ZBTB8B: variants seen among roughly 807,000 people sequenced by gnomAD.
The protein encoded by ZBTB8B is zinc finger and BTB domain containing 8B, also known as zinc finger and BTB domain-containing protein 8B.
Under a neutral mutation model 30.3 loss-of-function variants are expected in ZBTB8B, and 17 were observed. The observed-to-expected ratio is 0.56, with a 90% CI of 0.38 to 0.84. The LOEUF is 0.84. ZBTB8B is among the 40% of genes least tolerant of loss of function. The pLI is 0.00. For synonymous variants in ZBTB8B, 248 were observed against 255.6 expected (o/e 0.97, Z 0.28); for missense variants, 515 against 644.9 (o/e 0.80, Z 2.18).
At chr1:32,480,270 G>A (rs1331676046) in intron 2 of ZBTB8B, among the ~76,000 whole-genome samples, 7 of 151,904 alleles carry the variant, frequency 4.6e-5, no homozygotes, top group African/African-American at 1.5e-4. Context: ...TGTGTGTGCT[G>A]GGGGTGGGGG....
Position 32,494,850 on chromosome 1 carries a change from G to A in ZBTB8B, c.*9432G>A, listed in dbSNP as rs1643805703. 1 of 152,012 alleles carries A rather than the reference G, an allele frequency of 6.6e-6. No homozygotes were observed. The highest frequency in any genetic ancestry group is 2.1e-4 in the South Asian group (1 of 4,816). The allele number at this position is 152,012 out of a possible 1,614,324, so 9.4% of individuals were successfully genotyped here. ...GTTCCACTCTGTCACCCAGGCTGGA[G>A]TGCAGTGGTGCAATCTCGGCCCACT... On this transcript the variant is annotated 3_prime_UTR_variant, in exon 4 of 4. Transcript: ENST00000609129.
chr1:32,482,062 C>A (rs1403395363), intron 3 of ZBTB8B, among the ~76,000 whole-genome samples: 1 of 152,158 alleles, frequency 6.6e-6, no homozygotes, highest in Non-Finnish European at 1.5e-5. Context: ...CAGCCTTGAC[C>A]TCCCAAGGCA....
In ZBTB8B at chr1:32,481,080, G is replaced by A. The variant is rs117038159; in HGVS notation, c.1170+11G>A. On this transcript the variant is annotated intron_variant, in intron 3 of 3. Coordinates refer to ENST00000609129, the MANE Select transcript of ZBTB8B (RefSeq NM_001145720.2). ...AGCCACGCACTGAGTGTAAGTGTTC[G>A]AGCTGGCCATGCCCTTGTGGCAAGA... 1.8e-3 allele frequency: 2,852 copies of A among 1,543,700 alleles called. 47 individuals are homozygous for A. In the East Asian group the frequency reaches 0.042, roughly 23 times the overall value.
At position 32,485,039 on chromosome 1, in the gene ZBTB8B, G is replaced by A. The variant is rs1457745356; in HGVS notation, c.1171-62G>A. Reference sequence around the variant, plus strand: ...TCAGGCAGGGGCCAGATCACACGGGGCCTTGTGGAAAACACTCATCTCCTT... The same window carrying A: ...TCAGGCAGGGGCCAGATCACACGGGACCTTGTGGAAAACACTCATCTCCTT... On this transcript the variant is annotated intron_variant, in intron 3 of 3. Coordinates refer to ENST00000609129, the MANE Select transcript of ZBTB8B (RefSeq NM_001145720.2). 9 of 1,496,378 alleles carry A rather than the reference G, an allele frequency of 6.0e-6. No individual in the cohort carries two copies. The African/African-American group carries it at 1.1e-4, about 18-fold the overall frequency. 92.7% of individuals were successfully genotyped at this position (1,496,378 alleles called of 1,614,324 possible). A position where few individuals can be genotyped will look rare whatever the true frequency, so the allele number is the denominator to read the frequency against.
intron 1 of ZBTB8B, among the ~76,000 whole-genome samples, chr1:32,469,533 G>T (rs531097795): frequency 2.4e-4 from 37 of 152,240 alleles, no homozygotes; most frequent in Non-Finnish European, 4.0e-4. Context: ...AGGATTACAG[G>T]TGTGAGCCAC....
rs1643816549 is a variant in ZBTB8B at position 32,496,241 on chromosome 1, G to C, written c.*10823G>C. The C allele has an allele frequency of 6.6e-6, 1 of 152,164 alleles. No homozygotes were observed. The highest frequency in any genetic ancestry group is 1.5e-5 in the Non-Finnish European group (1 of 68,038). 9.4% of individuals were successfully genotyped at this position (152,164 alleles called of 1,614,324 possible). On this transcript the variant is annotated 3_prime_UTR_variant, in exon 4 of 4. Transcript: ENST00000609129. ...GAAAGAAGACTGACTACTGTCTGATGAATGGGTAATTGATGATGCAATGTA... is the reference window on the plus strand; with the variant it reads ...GAAAGAAGACTGACTACTGTCTGATCAATGGGTAATTGATGATGCAATGTA...
intron 3 of ZBTB8B, among the ~76,000 whole-genome samples, chr1:32,482,144 A>C (rs1277805403): frequency 4.6e-5 from 7 of 151,918 alleles, no homozygotes; most frequent in Non-Finnish European, 2.9e-5. Context: ...TGCCCAGCTA[A>C]CGTGTTTTTT....
rs1643668866 is a variant in ZBTB8B, at chr1:32,476,951, C to CTGAA, written c.992-3925_992-3922dup. Among the ~76,000 whole-genome samples the CTGAA allele has an allele frequency of 3.3e-5, 5 of 152,166 alleles. No homozygotes were observed. In the South Asian group the frequency reaches 6.2e-4, roughly 19 times the overall value. On this transcript the variant is annotated intron_variant, in intron 2 of 3. Coordinates refer to ENST00000609129, the MANE Select transcript of ZBTB8B (RefSeq NM_001145720.2). ...ATAGTGAGTGCTCAGTATAAATTTG[C>CTGAA]TGAATGAATGAATGAATGTGACCAT...
intron 3 of ZBTB8B, among the ~76,000 whole-genome samples, chr1:32,483,672 T>C (rs1263789853): frequency 6.6e-6 from 1 of 151,908 alleles, no homozygotes; most frequent in Non-Finnish European, 1.5e-5. Flanking sequence ...TGTGCACATG[T>C]ACCCTAGAAC....
chr1:32,472,166 CTGCTATA>C (rs1643629879), intron 2 of ZBTB8B, among the ~76,000 whole-genome samples: 1 of 152,184 alleles, frequency 6.6e-6, no homozygotes, highest in South Asian at 2.1e-4. Flanking sequence ...AATTGAGCAC[CTGCTATA>C]TGCAGGGCAT....
chr1:32,485,493 C>T lies in ZBTB8B; in HGVS notation c.*75C>T, dbSNP rs906799159. On this transcript the variant is annotated 3_prime_UTR_variant, in exon 4 of 4. Transcript: ENST00000609129. ...CTGTTGTTGAAAGATACCATTTGTC[C>T]AATTTTGTGGAACCCTGAGAGGAAC... 4.2e-6 allele frequency: 6 copies of T among 1,425,116 alleles called. No homozygotes were observed. Among genetic ancestry groups the T allele is most frequent in the African/African-American group, 1.4e-5 (1 of 69,864 alleles). The allele number at this position is 1,425,116 out of a possible 1,614,324, so 88.3% of individuals were successfully genotyped here. A position where few individuals can be genotyped will look rare whatever the true frequency, so the allele number is the denominator to read the frequency against.
chr1:32,496,402 G>C lies in ZBTB8B; in HGVS notation c.*10984G>C, dbSNP rs1328720107. On this transcript the variant is annotated 3_prime_UTR_variant, in exon 4 of 4. Transcript: ENST00000609129. ...GACTTTATCTTTGCCTGCCAAGTTT[G>C]CAAATGGATTAGTTCATTACAAAGG... 1 of 152,140 alleles carries C rather than the reference G, an allele frequency of 6.6e-6. No homozygotes were observed. Among genetic ancestry groups the C allele is most frequent in the African/African-American group, 2.4e-5 (1 of 41,424 alleles). 9.4% of individuals were successfully genotyped at this position (152,140 alleles called of 1,614,324 possible). A position where few individuals can be genotyped will look rare whatever the true frequency, so the allele number is the denominator to read the frequency against.
intron 2 of ZBTB8B, 74 bp downstream of exon 2, chr1:32,471,689 A>G: frequency 6.9e-7 from 1 of 1,445,602 alleles, no homozygotes; most frequent in Middle Eastern, 1.9e-4. Context: ...TTCTCCCATC[A>G]TCATGATCAT....
chr1:32,473,968 A>G (rs1643643134), intron 2 of ZBTB8B, among the ~76,000 whole-genome samples: 1 of 152,014 alleles, frequency 6.6e-6, no homozygotes, highest in Admixed American at 6.6e-5. Flanking sequence ...CTCCTGCCTC[A>G]GCCTCCCGAG....
chr1:32,485,462 C>T lies in ZBTB8B; in HGVS notation c.*44C>T. 1.3e-6 allele frequency: 2 copies of T among 1,516,862 alleles called. No homozygotes were observed. Among genetic ancestry groups the T allele is most frequent in the Non-Finnish European group, 1.8e-6 (2 of 1,122,442 alleles). 94.0% of individuals were successfully genotyped at this position (1,516,862 alleles called of 1,614,324 possible). ...GAGGAGGTTTTAAAACTTGTTAGTG[C>T]TCGTTCTGTTGTTGAAAGATACCAT... On this transcript the variant is annotated 3_prime_UTR_variant, in exon 4 of 4. Transcript: ENST00000609129.
At chr1:32,481,136 G>A in intron 3 of ZBTB8B, 67 bp downstream of exon 3, 2 of 1,391,172 alleles carry the variant, frequency 1.4e-6, no homozygotes, top group Non-Finnish European at 1.9e-6. Context: ...ATGGAAGGGT[G>A]AAGCCAGCCT....
intron 2 of ZBTB8B, among the ~76,000 whole-genome samples, chr1:32,479,416 C>T (rs181587642): frequency 6.6e-5 from 10 of 151,694 alleles, no homozygotes; most frequent in East Asian, 3.9e-4. Flanking sequence ...CCAGCTACTC[C>T]GAAGGCTGAG....
At chr1:32,477,301 A>G (rs1390107856) in intron 2 of ZBTB8B, among the ~76,000 whole-genome samples, 2 of 152,206 alleles carry the variant, frequency 1.3e-5, no homozygotes. Flanking sequence ...TGAGGGAGGA[A>G]ACAGGTGTCT....
chr1:32,474,401 G>A (rs185504191), intron 2 of ZBTB8B, among the ~76,000 whole-genome samples: 3 of 137,170 alleles, frequency 2.2e-5, no homozygotes, highest in Non-Finnish European at 3.1e-5. Flanking sequence ...TTAGCCAGGC[G>A]TCATTGCATG....
Sources: gnomAD v4.1 joint callset for allele counts (sites outside exome capture counted in the v4.1 genomes callset) on GRCh38, gnomAD v4.1.1 for gene constraint, MANE v1.5 for transcripts, NCBI Gene and HGNC (gene_info 2026-07-23, HGNC 2026-07-21) for gene names.